Variants in STK39 observed in about 807,000 individuals in gnomAD.
STK39 encodes STE20/SPS1-related proline-alanine-rich protein kinase.
Under a neutral mutation model 77.8 loss-of-function variants are expected in STK39, and 20 were observed. The ratio of observed to expected loss-of-function variants is 0.26; its 90% CI spans 0.18 to 0.37. The LOEUF (loss-of-function observed/expected upper bound fraction) is 0.37. Ranked by LOEUF, STK39 falls within the 10% of genes least tolerant of loss-of-function variation. STK39 has a pLI of 1.00. For missense variants in STK39, 479 were observed against 656.5 expected, an observed-to-expected ratio of 0.73 and a Z score of 2.95; for synonymous variants, 246 against 234.1, an observed-to-expected ratio of 1.05 and a Z score of -0.47.
rs1282819066 is a variant in STK39 at position 168,247,469 on chromosome 2, C to T, written c.-34G>A. ...GGAGGAGAGCAGGAGGACGCGCCGG[C>T]CGACGGACGACCTTCCACTTGAAAC... On this transcript the variant is annotated 5_prime_UTR_variant, in exon 1 of 18. Transcript: ENST00000355999. The T allele has an allele frequency of 3.1e-6, 4 of 1,300,642 alleles. No individual in the cohort carries two copies. The South Asian group carries it at 5.0e-5, about 16-fold the overall frequency. 80.6% of individuals were successfully genotyped at this position (1,300,642 alleles called of 1,614,324 possible). A position where few individuals can be genotyped will look rare whatever the true frequency, so the allele number is the denominator to read the frequency against.
chr2:168,088,043 C>T (rs1686416030), intron 10 of STK39, among the ~76,000 whole-genome samples: 4 of 141,562 alleles, frequency 2.8e-5, no homozygotes, highest in African/African-American at 9.9e-5. Context: ...ACTACGTCTG[C>T]TTAGGGATTA....
chr2:168,091,566 G>A (rs1379693586), intron 10 of STK39, among the ~76,000 whole-genome samples: 6 of 152,224 alleles, frequency 3.9e-5, no homozygotes, highest in Non-Finnish European at 7.3e-5. Context: ...AAGGCAGAAA[G>A]ATTATCACCC....
chr2:167,963,371 C>G (rs1692051041), intron 17 of STK39, among the ~76,000 whole-genome samples: 1 of 151,970 alleles, frequency 6.6e-6, no homozygotes, highest in Admixed American at 6.6e-5. Flanking sequence ...TGAGAAAAGT[C>G]CAGCATGAGA....
At chr2:168,150,093 T>C (rs1055291497) in intron 5 of STK39, among the ~76,000 whole-genome samples, 10 of 152,196 alleles carry the variant, frequency 6.6e-5, no homozygotes, top group Admixed American at 1.3e-4. Context: ...CCCAGCTGAC[T>C]TGAACGCACA....
At chr2:167,995,202 C>A (rs909865637) in intron 16 of STK39, among the ~76,000 whole-genome samples, 2 of 151,832 alleles carry the variant, frequency 1.3e-5, no homozygotes, top group South Asian at 4.2e-4. Context: ...CTCTGCCTCC[C>A]GGGTTCAAGC....
chr2:168,011,383 T>TC (rs747517496), intron 16 of STK39, among the ~76,000 whole-genome samples: 115 of 151,402 alleles, frequency 7.6e-4, no homozygotes, highest in Middle Eastern at 3.4e-3. Flanking sequence ...ATTTGAATAT[T>TC]TTAATAAGGC....
intron 1 of STK39, among the ~76,000 whole-genome samples, chr2:168,212,400 A>G (rs1304604566): frequency 6.6e-6 from 1 of 152,168 alleles, no homozygotes; most frequent in East Asian, 1.9e-4. Context: ...GCCTTCATTC[A>G]TGAAGTTGTC....
chr2:168,035,123 G>A (rs542396465), intron 14 of STK39, among the ~76,000 whole-genome samples: 1 of 152,260 alleles, frequency 6.6e-6, no homozygotes, highest in African/African-American at 2.4e-5. Context: ...GTATCCAGAA[G>A]GGTTGTTCAT....
chr2:167,993,555 T>A (rs1683755828), intron 16 of STK39, among the ~76,000 whole-genome samples: 1 of 152,066 alleles, frequency 6.6e-6, no homozygotes, highest in South Asian at 2.1e-4. Context: ...CAGGATAAAA[T>A]CAACACTGTG....
chr2:168,095,623 C>CTTTTTTT lies in STK39; in HGVS notation c.1090-20399_1090-20393dup, dbSNP rs567675524. Among the ~76,000 whole-genome samples, 23 of 116,046 alleles carry CTTTTTTT rather than the reference C, an allele frequency of 2.0e-4. 2 individuals are homozygous for CTTTTTTT. The highest frequency in any genetic ancestry group is 8.2e-4 in the South Asian group (3 of 3,662). The allele number at this position is 116,046 out of a possible 152,430, so 76.1% of individuals were successfully genotyped here. A position where few individuals can be genotyped will look rare whatever the true frequency, so the allele number is the denominator to read the frequency against. ...CTGCTAGCCACTCGTGTATCTCTTT[C>CTTTTTTT]TTTTTTTTTTTTTTTTTTTTTAAGA... On this transcript the variant is annotated intron_variant, in intron 10 of 17. Transcript: ENST00000355999.
At chr2:168,040,933 T>C (rs1376826402) in intron 14 of STK39, among the ~76,000 whole-genome samples, 2 of 152,228 alleles carry the variant, frequency 1.3e-5, no homozygotes, top group Non-Finnish European at 2.9e-5. Context: ...TTTTAGTACA[T>C]GGAACTGTTA....
intron 16 of STK39, among the ~76,000 whole-genome samples, chr2:167,980,933 G>T (rs1292952462): frequency 1.3e-5 from 2 of 149,344 alleles, no homozygotes; most frequent in African/African-American, 2.5e-5. Context: ...TAAAGTAAAG[G>T]TTTAACAGCC....
intron 16 of STK39, among the ~76,000 whole-genome samples, chr2:167,973,128 AAAAT>A (rs1559039644): frequency 6.6e-6 from 1 of 152,230 alleles, no homozygotes; most frequent in Non-Finnish European, 1.5e-5. Flanking sequence ...GGCTTCCAGA[AAAAT>A]AAGTGCTTAA....
intron 5 of STK39, among the ~76,000 whole-genome samples, chr2:168,151,478 T>C (rs1688280337): frequency 6.6e-6 from 1 of 152,136 alleles, no homozygotes; most frequent in Non-Finnish European, 1.5e-5. Context: ...GGCTCACTCC[T>C]GTAATCCCAG....
intron 16 of STK39, among the ~76,000 whole-genome samples, chr2:168,005,064 G>T (rs1009874835): frequency 6.8e-6 from 1 of 147,534 alleles, no homozygotes; most frequent in African/African-American, 2.5e-5. Context: ...GGAGTGCAGC[G>T]GCGCGATCTC....
intron 10 of STK39, among the ~76,000 whole-genome samples, chr2:168,079,143 C>T (rs1399290830): frequency 1.3e-5 from 2 of 152,180 alleles, no homozygotes; most frequent in African/African-American, 2.4e-5. Context: ...CTCAGTAAGA[C>T]GTTAGCAATA....
At chr2:168,016,941 T>G (rs1326483538) in intron 15 of STK39, 102 bp downstream of exon 15, 1 of 911,120 alleles carries the variant, frequency 1.1e-6, no homozygotes, top group Non-Finnish European at 1.6e-6. Context: ...CCTTCACTAT[T>G]AAACAAAGCA....
At chr2:168,172,961 C>G (rs1292576536) in intron 2 of STK39, among the ~76,000 whole-genome samples, 3 of 152,256 alleles carry the variant, frequency 2.0e-5, no homozygotes, top group Middle Eastern at 6.8e-3. Flanking sequence ...TGAGTCCCGG[C>G]CCCAGGGAGG....
intron 1 of STK39, among the ~76,000 whole-genome samples, chr2:168,237,461 G>A (rs1450991559): frequency 6.6e-6 from 1 of 152,144 alleles, no homozygotes; most frequent in Non-Finnish European, 1.5e-5. Context: ...GATTGCCCTG[G>A]CCAGAACTTC....
Sources: allele counts gnomAD v4.1 joint callset (sites outside exome capture counted in the v4.1 genomes callset), GRCh38; gene constraint gnomAD v4.1.1; transcripts MANE v1.5; gene names NCBI Gene and HGNC (gene_info 2026-07-23, HGNC 2026-07-21).